Variants in ITGBL1 observed in about 807,000 individuals in gnomAD.
ITGBL1 encodes the protein integrin subunit beta like 1, also known as integrin beta-like protein 1.
In ITGBL1, 51 loss-of-function variants were observed where a neutral mutation model predicts 68.5. The observed-to-expected ratio is 0.74, with a 90% CI of 0.59 to 0.94. The LOEUF is 0.94. ITGBL1 is among the 40% of genes least tolerant of loss of function. The pLI is 0.00. For synonymous variants in ITGBL1, 209 were observed against 227.3 expected (o/e 0.92, Z 0.72); for missense variants, 649 against 647.4 (o/e 1.00, Z -0.03).
chr13:101,573,662 T>G (rs2139266158), intron 3 of ITGBL1, among the ~76,000 whole-genome samples: 1 of 152,268 alleles, frequency 6.6e-6, no homozygotes, highest in Non-Finnish European at 1.5e-5. Context: ...CAGAGATTAT[T>G]TGCAGATATG....
chr13:101,629,192 C>T (rs994591903), intron 7 of ITGBL1, among the ~76,000 whole-genome samples: 3 of 152,042 alleles, frequency 2.0e-5, no homozygotes, highest in African/African-American at 7.2e-5. Context: ...TCCTTTGAGT[C>T]AGATTTGTCA....
rs766114878 is a variant in ITGBL1, at chr13:101,452,826, A to G, written c.-8A>G. Reference sequence around the variant, plus strand: ...TGCAGCTCGCCCGGAGCAGCCCAGGAGCTCAGCATGCGTCCCCCAGGCTTC... The same window carrying G: ...TGCAGCTCGCCCGGAGCAGCCCAGGGGCTCAGCATGCGTCCCCCAGGCTTC... On this transcript the variant is annotated 5_prime_UTR_variant, in exon 1 of 11. Coordinates refer to ENST00000376180, the MANE Select transcript of ITGBL1 (RefSeq NM_004791.3). The G allele has an allele frequency of 6.8e-6, 11 of 1,612,582 alleles. No homozygotes were observed. In the Admixed American group the frequency reaches 1.7e-4, roughly 24 times the overall value.
chr13:101,637,341 ATTTTT>A (rs58584687), intron 7 of ITGBL1, among the ~76,000 whole-genome samples: 2 of 125,912 alleles, frequency 1.6e-5, no homozygotes, highest in African/African-American at 3.1e-5. Flanking sequence ...TTGGAACAGT[ATTTTT>A]TTTTTTTTTT....
At chr13:101,626,862 T>A (rs1360980892) in intron 7 of ITGBL1, among the ~76,000 whole-genome samples, 1 of 152,104 alleles carries the variant, frequency 6.6e-6, no homozygotes, top group African/African-American at 2.4e-5. Context: ...GAGTTAAGGG[T>A]TTAGCTAATT....
At chr13:101,705,218 G>T (rs2139583614) in intron 8 of ITGBL1, among the ~76,000 whole-genome samples, 1 of 147,238 alleles carries the variant, frequency 6.8e-6, no homozygotes, top group Non-Finnish European at 1.5e-5. Flanking sequence ...CTGTTAGGAG[G>T]CACTTGTTGC....
Position 101,598,248 on chromosome 13 carries a change from G to GA in ITGBL1, c.965dup (p.Ser323GlufsTer18). ...ACAGTCCTGCACGCTGTCAGCTGAG[G>GA]AGAGCATCAGGAAGTGCCAGGGAAG... is the stretch of plus-strand genomic sequence containing the variant. On this transcript the variant is annotated frameshift_variant, in exon 7 of 11. Coordinates refer to ENST00000376180, the MANE Select transcript of ITGBL1 (RefSeq NM_004791.3). LOFTEE classifies it high-confidence loss of function. 6.2e-7 allele frequency: 1 copy of GA among 1,613,670 alleles called. No homozygotes were observed.
At chr13:101,456,053 C>T (rs978656616) in intron 2 of ITGBL1, among the ~76,000 whole-genome samples, 1 of 151,894 alleles carries the variant, frequency 6.6e-6, no homozygotes, top group Admixed American at 6.6e-5. Flanking sequence ...TTCCTTTTTC[C>T]CTCCCATAGA....
At chr13:101,484,979 T>C (rs1482119024) in intron 2 of ITGBL1, among the ~76,000 whole-genome samples, 1 of 152,010 alleles carries the variant, frequency 6.6e-6, no homozygotes, top group Non-Finnish European at 1.5e-5. Flanking sequence ...TTAAAAAGCA[T>C]CTAGAGAAAA....
intron 4 of ITGBL1, among the ~76,000 whole-genome samples, chr13:101,577,220 T>C (rs1415812025): frequency 6.6e-6 from 1 of 152,210 alleles, no homozygotes; most frequent in Non-Finnish European, 1.5e-5. Flanking sequence ...TTGTAAATCT[T>C]TCCATGTGTC....
chr13:101,532,969 C>T (rs2049509502), intron 2 of ITGBL1, among the ~76,000 whole-genome samples: 1 of 152,110 alleles, frequency 6.6e-6, no homozygotes, highest in South Asian at 2.1e-4. Flanking sequence ...TTTCCAATGG[C>T]TGCATATTAA....
At chr13:101,477,206 AG>A (rs1302500576) in intron 2 of ITGBL1, among the ~76,000 whole-genome samples, 1 of 152,214 alleles carries the variant, frequency 6.6e-6, no homozygotes, top group African/African-American at 2.4e-5. Flanking sequence ...GAAACTATGC[AG>A]ACACACAGAA....
chr13:101,522,882 G>A (rs1358209291), intron 2 of ITGBL1, among the ~76,000 whole-genome samples: 3 of 152,176 alleles, frequency 2.0e-5, no homozygotes, highest in Non-Finnish European at 4.4e-5. Flanking sequence ...TAAAGTCTTG[G>A]AGTTAGGACA....
chr13:101,522,674 CTACAA>C (rs2049305407), intron 2 of ITGBL1, among the ~76,000 whole-genome samples: 1 of 152,170 alleles, frequency 6.6e-6, no homozygotes. Context: ...TACTGAGTGT[CTACAA>C]TGTGCCTGTA....
chr13:101,507,341 A>G (rs116721120), intron 2 of ITGBL1, among the ~76,000 whole-genome samples: 193 of 152,270 alleles, frequency 1.3e-3, no homozygotes, highest in African/African-American at 4.4e-3. Context: ...CAACAAATAG[A>G]TGACTTACTT....
At chr13:101,541,735 CTAT>C (rs2049707478) in intron 2 of ITGBL1, among the ~76,000 whole-genome samples, 1 of 152,084 alleles carries the variant, frequency 6.6e-6, no homozygotes, top group African/African-American at 2.4e-5. Context: ...ATTTCAGAGC[CTAT>C]TATTGGTCTC....
Position 101,583,123 on chromosome 13 carries a change from C to T in ITGBL1, c.728-93C>T, listed in dbSNP as rs186143425. 30 of 1,309,660 alleles carry T rather than the reference C, an allele frequency of 2.3e-5. No homozygotes were observed. The Admixed American group carries it at 4.3e-4, about 19-fold the overall frequency. The allele number at this position is 1,309,660 out of a possible 1,614,324, so 81.1% of individuals were successfully genotyped here. A position where few individuals can be genotyped will look rare whatever the true frequency, so the allele number is the denominator to read the frequency against. On this transcript the variant is annotated intron_variant, in intron 5 of 10. Coordinates refer to ENST00000376180, the MANE Select transcript of ITGBL1 (RefSeq NM_004791.3). ...TGAATATATGTGTTTTTTTCAAACA[C>T]AAAGTAAACAGAAAATAATAAGCGA...
intron 2 of ITGBL1, among the ~76,000 whole-genome samples, chr13:101,534,980 C>T (rs1043072304): frequency 1.3e-5 from 2 of 152,066 alleles, no homozygotes; most frequent in Admixed American, 6.6e-5. Flanking sequence ...ATGATTGTGA[C>T]CACCATGCTT....
intron 7 of ITGBL1, among the ~76,000 whole-genome samples, chr13:101,605,706 G>A (rs1337866256): frequency 6.6e-6 from 1 of 151,438 alleles, no homozygotes; most frequent in Non-Finnish European, 1.5e-5. Context: ...GTAGACTTAT[G>A]TATGTGCGTA....
chr13:101,541,693 T>A (rs926077009), intron 2 of ITGBL1, among the ~76,000 whole-genome samples: 7 of 152,214 alleles, frequency 4.6e-5, no homozygotes, highest in African/African-American at 1.7e-4. Flanking sequence ...CTGGACTTTT[T>A]TTTGGTTGGT....
Sources: gnomAD v4.1 joint callset for allele counts (sites outside exome capture counted in the v4.1 genomes callset) on GRCh38, gnomAD v4.1.1 for gene constraint, MANE v1.5 for transcripts, NCBI Gene and HGNC (gene_info 2026-07-23, HGNC 2026-07-21) for gene names.